The following SGO1 variants were observed in gnomAD, a reference collection of about 807,000 sequenced individuals.
The protein encoded by SGO1 is shugoshin 1.
SGO1 carries 39 observed loss-of-function variants against 50.5 expected under a neutral mutation model. The ratio of observed to expected loss-of-function variants is 0.77; its 90% CI spans 0.60 to 1.01. The LOEUF (loss-of-function observed/expected upper bound fraction) is 1.01. Ranked by LOEUF, SGO1 falls within the 50% of genes least tolerant of loss-of-function variation. The probability of loss-of-function intolerance (pLI) is 0.00; values close to 1 mark genes in which losing one functional copy is unlikely to be tolerated. For missense variants in SGO1, 638 were observed against 606.0 expected (o/e 1.05, Z -0.55); for synonymous variants, 191 against 205.1 (o/e 0.93, Z 0.59).
chr3:20,169,878 G>A lies in SGO1; in HGVS notation c.*826C>T, dbSNP rs1700540031. ...AAGGAATTCATAAACAACTTAGGGT[G>A]TACCCTACTGTAAATGTCAAATATT... On this transcript the variant is annotated 3_prime_UTR_variant, in exon 8 of 8. Transcript: ENST00000412997. 2 of 980,574 alleles carry A rather than the reference G, an allele frequency of 2.0e-6. No individual in the cohort carries two copies. Among genetic ancestry groups the A allele is most frequent in the African/African-American group, 1.8e-5 (1 of 57,108 alleles). 60.7% of individuals were successfully genotyped at this position (980,574 alleles called of 1,614,324 possible).
At chr3:20,182,464 G>C (rs1000216569) in intron 3 of SGO1, among the ~76,000 whole-genome samples, 6 of 151,934 alleles carry the variant, frequency 3.9e-5, no homozygotes, top group Non-Finnish European at 7.4e-5. Context: ...AATTCAACTT[G>C]CTGTACACCT....
At position 20,170,710 on chromosome 3, in the gene SGO1, T is replaced by C. The variant is rs2125263179; in HGVS notation, c.1578A>G (p.Ile526Met). The change falls in exon 8 of 8, where the codon ATA becomes ATG. Residue 526 changes from isoleucine to methionine, a missense_variant. Ile to Met is a conservative substitution (Grantham distance 10). Coordinates refer to ENST00000412997, the MANE Select transcript of SGO1 (RefSeq NM_001199251.3). ...ACAATATCCAACAAAACCTTCATTG[T>C]ATTTGTTTCATACTTTTTTTAGAAC... ...LRRSKKSMKQ[I>M]Q 1.3e-6 allele frequency: 2 copies of C among 1,582,174 alleles called. No homozygotes were observed. Among genetic ancestry groups the C allele is most frequent in the Non-Finnish European group, 1.7e-6 (2 of 1,172,124 alleles).
chr3:20,181,395 T>C (rs549716110), intron 3 of SGO1, among the ~76,000 whole-genome samples: 10 of 152,332 alleles, frequency 6.6e-5, no homozygotes, highest in African/African-American at 1.9e-4. Context: ...AATTCTTACA[T>C]TTTAAGCTTC....
In SGO1 at chr3:20,184,996, C is replaced by T. The variant is rs73037159; in HGVS notation, c.-8+952G>A. Among the ~76,000 whole-genome samples, 812 of 152,252 alleles carry T rather than the reference C, an allele frequency of 5.3e-3. 4 individuals are homozygous for T. Among genetic ancestry groups the T allele is most frequent in the Middle Eastern group, 0.02 (6 of 294 alleles). ...TTCACTACAAAGGATATCTTCATCT[C>T]CTCTACGATAGTCAAATATTTTCCT... On this transcript the variant is annotated intron_variant, in intron 1 of 7. Transcript: ENST00000412997.
At chr3:20,175,149 C>A in intron 5 of SGO1, 94 bp from the exon 6 acceptor site, 1 of 1,247,688 alleles carries the variant, frequency 8.0e-7, no homozygotes. Flanking sequence ...AAGTGAATGA[C>A]CAAAAGGTCA....
Position 20,170,642 on chromosome 3 carries a change from A to C in SGO1, c.*62T>G, listed in dbSNP as rs1700615609. ...TCACTCTGTTTGTGTACTCTTACAG[A>C]TCCTCTCCTGAAGCAACAGAAAGAG... On this transcript the variant is annotated 3_prime_UTR_variant, in exon 8 of 8. Coordinates refer to ENST00000412997, the MANE Select transcript of SGO1 (RefSeq NM_001199251.3). 1.4e-6 allele frequency: 2 copies of C among 1,474,814 alleles called. No homozygotes were observed. The allele number at this position is 1,474,814 out of a possible 1,614,324, so 91.4% of individuals were successfully genotyped here. A position where few individuals can be genotyped will look rare whatever the true frequency, so the allele number is the denominator to read the frequency against.
intron 6 of SGO1, among the ~76,000 whole-genome samples, chr3:20,172,624 T>A (rs1303315916): frequency 6.6e-6 from 1 of 151,778 alleles, no homozygotes; most frequent in Non-Finnish European, 1.5e-5. Flanking sequence ...TTAGAGTATA[T>A]TTTTTTCGTT....
In SGO1 at chr3:20,161,269, A is replaced by G. The variant is rs568264597; in HGVS notation, c.1565-43T>C. The G allele has an allele frequency of 4.3e-5, 64 of 1,473,598 alleles. No individual in the cohort carries two copies. In the East Asian group the frequency reaches 8.0e-4, roughly 19 times the overall value. 91.3% of individuals were successfully genotyped at this position (1,473,598 alleles called of 1,614,324 possible). ...AAAATCAGTCTACAGAGATGTTTCT[A>G]CAACCTAGTCCACAGATTTTATTCA... On this transcript the variant is annotated intron_variant, in intron 8 of 8. Transcript: ENST00000263753.
At chr3:20,167,351 T>C (rs577424795), downstream of SGO1, among the ~76,000 whole-genome samples, 1 of 152,290 alleles carries the variant, frequency 6.6e-6, no homozygotes, top group African/African-American at 2.4e-5. Flanking sequence ...TAGACGATAC[T>C]AATATTTAAA....
intron 5 of SGO1, among the ~76,000 whole-genome samples, chr3:20,175,455 C>T (rs1701271957): frequency 6.6e-6 from 1 of 152,112 alleles, no homozygotes; most frequent in East Asian, 1.9e-4. Flanking sequence ...CAAAACACTT[C>T]TGGTCCCAAG....
At position 20,160,998 on chromosome 3, in the gene SGO1, C is replaced by A. The variant is rs548300549; in HGVS notation, c.*107G>T. Reference sequence around the variant, plus strand: ...CTGAGTGAAACAGACTGTCAACACCCCTCCATCTCTCCCCCAACACATAAA... The same window carrying A: ...CTGAGTGAAACAGACTGTCAACACCACTCCATCTCTCCCCCAACACATAAA... On this transcript the variant is annotated 3_prime_UTR_variant, in exon 9 of 9. Coordinates refer to the SGO1 transcript ENST00000263753. 6.3e-4 allele frequency: 952 copies of A among 1,516,498 alleles called. 2 individuals are homozygous for A. The highest frequency in any genetic ancestry group is 7.8e-4 in the Non-Finnish European group (875 of 1,116,068). The allele number at this position is 1,516,498 out of a possible 1,614,324, so 93.9% of individuals were successfully genotyped here.
Position 20,184,031 on chromosome 3 carries a change from T to C in SGO1, c.-4A>G. 1 of 1,560,568 alleles carries C rather than the reference T, an allele frequency of 6.4e-7. No individual in the cohort carries two copies. Among genetic ancestry groups the C allele is most frequent in the Non-Finnish European group, 8.6e-7 (1 of 1,162,848 alleles). On this transcript the variant is annotated 5_prime_UTR_variant, in exon 2 of 8. Transcript: ENST00000412997. ...TCAGGCATCTTTCCTTGGCCATCTTTTGCCTAAACAATAAAAAATATTTTT... is the reference window on the plus strand; with the variant it reads ...TCAGGCATCTTTCCTTGGCCATCTTCTGCCTAAACAATAAAAAATATTTTT...
At chr3:20,163,914 T>A (rs1228808917) in intron 8 of SGO1, among the ~76,000 whole-genome samples, 1 of 152,154 alleles carries the variant, frequency 6.6e-6, no homozygotes, top group African/African-American at 2.4e-5. Flanking sequence ...ACTTAAAACA[T>A]CTCTACATCA....
At chr3:20,184,957 CTA>C (rs1702463122) in intron 1 of SGO1, among the ~76,000 whole-genome samples, 1 of 152,050 alleles carries the variant, frequency 6.6e-6, no homozygotes, top group Admixed American at 6.6e-5. Flanking sequence ...CAATAACAAT[CTA>C]TGCACAGAAT....
chr3:20,180,149 T>C (rs932061669), intron 3 of SGO1, among the ~76,000 whole-genome samples: 1 of 152,060 alleles, frequency 6.6e-6, no homozygotes, highest in African/African-American at 2.4e-5. Context: ...TTTTAAAAAA[T>C]TAGCTGGGCG....
chr3:20,184,046 A>G lies in SGO1; in HGVS notation c.-7-12T>C, dbSNP rs1435557626. ...TGGCCATCTTTTGCCTAAACAATAA[A>G]AAATATTTTTTCTCAGAGAGAATAT... is the stretch of plus-strand genomic sequence containing the variant. On this transcript the variant is annotated splice_polypyrimidine_tract_variant and intron_variant, in intron 1 of 7. Coordinates refer to ENST00000412997, the MANE Select transcript of SGO1 (RefSeq NM_001199251.3). 3 of 1,548,276 alleles carry G rather than the reference A, an allele frequency of 1.9e-6. No individual in the cohort carries two copies. Among genetic ancestry groups the G allele is most frequent in the South Asian group, 1.2e-5 (1 of 81,062 alleles).
chr3:20,162,067 T>C (rs1384126135), intron 8 of SGO1, among the ~76,000 whole-genome samples: 1 of 152,144 alleles, frequency 6.6e-6, no homozygotes, highest in Non-Finnish European at 1.5e-5. Context: ...AGAGACAGAC[T>C]GAAGTTTGGA....
At chr3:20,161,237 C>A in intron 8 of SGO1, 3 of 1,557,844 alleles carry the variant, frequency 1.9e-6, no homozygotes, top group East Asian at 2.3e-5. Flanking sequence ...CTGGTAAAAG[C>A]AAACACAAAA....
At chr3:20,169,431 G>T (rs1700499456), downstream of SGO1, 1 of 984,316 alleles carries the variant, frequency 1.0e-6, no homozygotes, top group Admixed American at 6.2e-5. Flanking sequence ...GAATAGTGAA[G>T]ACAGAGAGAT....
Sources: gnomAD v4.1 joint callset for allele counts (sites outside exome capture counted in the v4.1 genomes callset) on GRCh38, gnomAD v4.1.1 for gene constraint, MANE v1.5 for transcripts, NCBI Gene and HGNC (gene_info 2026-07-23, HGNC 2026-07-21) for gene names.